PTPN23: variants seen among roughly 807,000 people sequenced by gnomAD.
PTPN23 encodes the protein protein tyrosine phosphatase non-receptor type 23, also known as tyrosine-protein phosphatase non-receptor type 23.
Under a neutral mutation model 156.3 loss-of-function variants are expected in PTPN23, and 72 were observed. The observed-to-expected ratio is 0.46, with a 90% CI of 0.38 to 0.56. The LOEUF (loss-of-function observed/expected upper bound fraction) is 0.56, where lower values mean the gene tolerates loss of function less well. PTPN23 is among the 20% of genes least tolerant of loss of function. The pLI is 0.00. For missense variants in PTPN23, 1,974 were observed against 2,171.5 expected (o/e 0.91, Z 1.81); for synonymous variants, 957 against 899.6 (o/e 1.06, Z -1.14).
In PTPN23 at chr3:47,405,190, G is replaced by A; in HGVS notation, c.364+109G>A. On this transcript the variant is annotated intron_variant, in intron 4 of 24. Coordinates refer to ENST00000265562, the MANE Select transcript of PTPN23 (RefSeq NM_015466.4). The surrounding 1 kb of genome is among the most constrained non-coding windows in gnomAD (Gnocchi z 4.7). ...GTGGGCTGATAAAGGGAGGACTCCAGGATTCCCGCCCCTCCACTGACCTCC... is the reference window on the plus strand; with the variant it reads ...GTGGGCTGATAAAGGGAGGACTCCAAGATTCCCGCCCCTCCACTGACCTCC... 9.8e-7 allele frequency: 1 copy of A among 1,018,066 alleles called. No individual in the cohort carries two copies. Among genetic ancestry groups the A allele is most frequent in the South Asian group, 1.4e-5 (1 of 73,702 alleles). The allele number at this position is 1,018,066 out of a possible 1,614,324, so 63.1% of individuals were successfully genotyped here.
rs1004007588 is a variant in PTPN23, at chr3:47,411,417, C to T, written c.3619C>T (p.Arg1207Ter). The change falls in exon 20 of 25, where the codon CGA becomes TGA. Residue 1207 changes from arginine (R) to a stop codon, truncating the protein, a stop_gained. Coordinates refer to ENST00000265562, the MANE Select transcript of PTPN23 (RefSeq NM_015466.4). LOFTEE classifies it high-confidence loss of function. The surrounding 1 kb of genome is among the most constrained non-coding windows in gnomAD (Gnocchi z 6.3). ...GCAAGATGCGCAGGAACATGATGCC[C>T]GAGGCCGTTCCATCGCCATTGCCCG... ...ELQDAQEHDA[R>*]GRSIAIARCY... 3.7e-6 allele frequency: 6 copies of T among 1,613,070 alleles called. No individual in the cohort carries two copies. The highest frequency in any genetic ancestry group is 1.6e-4 in the Middle Eastern group (1 of 6,062).
Position 47,409,532 on chromosome 3 carries a change from C to T in PTPN23, c.1913C>T (p.Ala638Val), listed in dbSNP as rs771273101. The change falls in exon 18 of 25, where the codon GCA becomes GTA. Residue 638 changes from alanine (A) to valine (V), a missense_variant. Around this residue, in one of 4 missense-constraint regions of PTPN23, gnomAD observed 726 missense variants for 929.5 expected, o/e 0.78. Coordinates refer to ENST00000265562, the MANE Select transcript of PTPN23 (RefSeq NM_015466.4). The stretch of plus-strand genomic sequence containing the variant: ...CTGACAGAGGCCAACGTGCAGTACG[C>T]AGCCGTGCGGCGGGTACTCAGCGAC... ...CALTEANVQY[A>V]AVRRVLSDLD... 6.2e-7 allele frequency: 1 copy of T among 1,614,038 alleles called. No individual in the cohort carries two copies. Among genetic ancestry groups the T allele is most frequent in the Non-Finnish European group, 8.5e-7 (1 of 1,179,948 alleles).
chr3:47,404,990 G>A lies in PTPN23; in HGVS notation c.288-15G>A, dbSNP rs759900934. On this transcript the variant is annotated splice_polypyrimidine_tract_variant and intron_variant, in intron 3 of 24. Transcript: ENST00000265562. ...AGCTCCTGCCCTCGAGATAACTGGG[G>A]TGCCATGTCTGCAGGACAGAGATCT... 6 of 1,614,120 alleles carry A rather than the reference G, an allele frequency of 3.7e-6. No individual in the cohort carries two copies. The highest frequency in any genetic ancestry group is 2.2e-5 in the South Asian group (2 of 91,084).
chr3:47,382,794 TTCTCCTGCCTCAGCCTCCCAA>T (rs1704575710), intron 1 of PTPN23, among the ~76,000 whole-genome samples: 2 of 146,326 alleles, frequency 1.4e-5, no homozygotes, highest in Non-Finnish European at 3.0e-5. Flanking sequence ...GTTCACGCCA[TTCTCCTGCCTCAGCCTCCCAA>T]GTAGCTGGGA....
chr3:47,384,903 C>T (rs1196914966), intron 1 of PTPN23, among the ~76,000 whole-genome samples: 2 of 152,242 alleles, frequency 1.3e-5, no homozygotes, highest in Non-Finnish European at 1.5e-5. Context: ...GCTAGGATTA[C>T]AGGCATGTGC....
chr3:47,396,816 C>T (rs374664567), intron 2 of PTPN23, among the ~76,000 whole-genome samples: 1 of 152,108 alleles, frequency 6.6e-6, no homozygotes, highest in African/African-American at 2.4e-5. Flanking sequence ...TCCCCAGCTA[C>T]GCAGGAGTCT....
At position 47,411,462 on chromosome 3, in the gene PTPN23, C is replaced by A. The variant is rs759072500; in HGVS notation, c.3664C>A (p.Arg1222=). The change falls in exon 20 of 25, where the codon CGG becomes AGG. Residue 1222 remains arginine (R), a synonymous_variant. Transcript: ENST00000265562. This position sits in a 1 kb window ranked among gnomAD's most constrained non-coding sequence, Gnocchi z 6.3. ...TGCCCGCTGCTACTCACTGAAGAAC[C>A]GGCACCAGGATGTCATGCCCTATGA... ...AIARCYSLKN[R]HQDVMPYDSN... 2 of 1,613,084 alleles carry A rather than the reference C, an allele frequency of 1.2e-6. No homozygotes were observed. The highest frequency in any genetic ancestry group is 1.6e-4 in the Middle Eastern group (1 of 6,084).
chr3:47,403,055 CT>C (rs1007913831), intron 2 of PTPN23, among the ~76,000 whole-genome samples: 670 of 138,296 alleles, frequency 4.8e-3, no homozygotes, highest in Non-Finnish European at 6.0e-3. Flanking sequence ...TTGTTACATT[CT>C]TTTTTTTTTT....
Position 47,408,502 on chromosome 3 carries a change from G to A in PTPN23, c.1330+12G>A. On this transcript the variant is annotated intron_variant, in intron 15 of 24. Transcript: ENST00000265562. ...ACAGTCCATGCAAGGTGAGTAAGGG[G>A]CAGAGCAAGCAGGTGGAAGGGAGTG... The A allele has an allele frequency of 6.2e-7, 1 of 1,602,572 alleles. No homozygotes were observed. Among genetic ancestry groups the A allele is most frequent in the Non-Finnish European group, 8.5e-7 (1 of 1,171,872 alleles).
rs547235843 is a variant in PTPN23 at position 47,409,043 on chromosome 3, T to C, written c.1598T>C (p.Leu533Pro). 8.1e-6 allele frequency: 13 copies of C among 1,613,832 alleles called. No homozygotes were observed. Among genetic ancestry groups the C allele is most frequent in the African/African-American group, 5.3e-5 (4 of 75,068 alleles). The change falls in exon 16 of 25, where the codon CTT becomes CCT. Residue 533 changes from leucine (L) to proline (P), a missense_variant. Leu to Pro is a moderately conservative substitution (Grantham distance 98). This residue lies in a region of PTPN23 where 726 missense variants were observed against 929.5 expected (regional missense o/e 0.78). Coordinates refer to ENST00000265562, the MANE Select transcript of PTPN23 (RefSeq NM_015466.4). ...VGNLRLLSGP[L>P]DQVRAALPTP... ...AACCTGCGCCTGCTCAGCGGGCCGC[T>C]TGACCAGGTCCGGGCTGCCCTGCCC...
In PTPN23 at chr3:47,411,247, A is replaced by T; in HGVS notation, c.3449A>T (p.Glu1150Val). ...CAGCCCACCAAGGTGGATGCAGCTG[A>T]GGGTCGTCGGCCGCAGGCCCTGCGG... Reference protein sequence around the residue: ...LLQPTKVDAAEGRRPQALRLI... With the variant: ...LLQPTKVDAAVGRRPQALRLI... Residue 1150 changes from glutamate to valine, a missense_variant, in exon 20 of 25, where the codon GAG becomes GTG. By Grantham distance (121) the Glu-to-Val change is moderately radical. Transcript: ENST00000265562. This position sits in a 1 kb window ranked among gnomAD's most constrained non-coding sequence, Gnocchi z 6.3. 6.2e-7 allele frequency: 1 copy of T among 1,608,498 alleles called. No individual in the cohort carries two copies. Among genetic ancestry groups the T allele is most frequent in the Non-Finnish European group, 8.5e-7 (1 of 1,179,688 alleles).
chr3:47,381,969 C>T (rs1453286228), intron 1 of PTPN23, among the ~76,000 whole-genome samples: 1 of 151,872 alleles, frequency 6.6e-6, no homozygotes, highest in Non-Finnish European at 1.5e-5. Context: ...GTATTGGTAG[C>T]ACTGAGGGCT....
rs1249495741 is a variant in PTPN23, at chr3:47,412,980, G to A, written c.4706G>A (p.Ser1569Asn). 8.9e-6 allele frequency: 14 copies of A among 1,566,992 alleles called. No homozygotes were observed. Among genetic ancestry groups the A allele is most frequent in the African/African-American group, 4.2e-5 (3 of 70,796 alleles). ...GAGCCGCCAGTGCCTGAAGCCCCCAGCTCGGGGCCCCCCTCCTCCTCCCTG... is the reference window on the plus strand; with the variant it reads ...GAGCCGCCAGTGCCTGAAGCCCCCAACTCGGGGCCCCCCTCCTCCTCCCTG... ...KEEPPVPEAPSSGPPSSSLEL... is the reference protein window; with the variant it reads ...KEEPPVPEAPNSGPPSSSLEL... Residue 1569 changes from serine (S) to asparagine (N), a missense_variant, in exon 25 of 25, where the codon AGC becomes AAC. By Grantham distance (46) the Ser-to-Asn change is conservative (BLOSUM62 1). This residue lies in a region of PTPN23 where 484 missense variants were observed against 516.0 expected (regional missense o/e 0.94). Coordinates refer to ENST00000265562, the MANE Select transcript of PTPN23 (RefSeq NM_015466.4).
chr3:47,399,559 A>T (rs573444066), intron 2 of PTPN23, among the ~76,000 whole-genome samples: 20 of 152,288 alleles, frequency 1.3e-4, no homozygotes, highest in Admixed American at 3.3e-4. Flanking sequence ...AGGACGCAAC[A>T]CACCCTAGAA....
chr3:47,404,855 C>T, intron 3 of PTPN23, 76 bp downstream of exon 3: 2 of 1,579,904 alleles, frequency 1.3e-6, no homozygotes, highest in East Asian at 4.6e-5. Context: ...TCCCTTCCCC[C>T]TTCTCCTTGC....
In PTPN23 at chr3:47,411,476, C is replaced by T. The variant is rs763493430; in HGVS notation, c.3678C>T (p.Val1226=). 1.9e-6 allele frequency: 3 copies of T among 1,613,206 alleles called. No homozygotes were observed. The highest frequency in any genetic ancestry group is 2.2e-5 in the East Asian group (1 of 44,880). Residue 1226 remains valine, a synonymous_variant, in exon 20 of 25, where the codon GTC becomes GTT. Coordinates refer to ENST00000265562, the MANE Select transcript of PTPN23 (RefSeq NM_015466.4). The surrounding 1 kb of genome is among the most constrained non-coding windows in gnomAD (Gnocchi z 6.3). ...CACTGAAGAACCGGCACCAGGATGT[C>T]ATGCCCTATGACAGTAACCGTGTGG... ...CYSLKNRHQD[V]MPYDSNRVVL... is the part of the protein sequence containing the mutation.
chr3:47,407,438 G>C lies in PTPN23; in HGVS notation c.924-67G>C. 1 of 1,608,392 alleles carries C rather than the reference G, an allele frequency of 6.2e-7. No homozygotes were observed. The highest frequency in any genetic ancestry group is 8.5e-7 in the Non-Finnish European group (1 of 1,175,162). ...CTTGTCCCTCTGCTGGCATCTACATGGGAAGTAGGTTCTGGATCCCCACTG... is the reference window on the plus strand; with the variant it reads ...CTTGTCCCTCTGCTGGCATCTACATCGGAAGTAGGTTCTGGATCCCCACTG... On this transcript the variant is annotated intron_variant, in intron 11 of 24. Coordinates refer to ENST00000265562, the MANE Select transcript of PTPN23 (RefSeq NM_015466.4). The surrounding 1 kb of genome is among the most constrained non-coding windows in gnomAD (Gnocchi z 4.0).
chr3:47,382,680 CTTTTTT>C (rs71098482), intron 1 of PTPN23, among the ~76,000 whole-genome samples: 195 of 58,648 alleles, frequency 3.3e-3, no homozygotes, highest in Middle Eastern at 0.025. Flanking sequence ...TTTTTCTTTT[CTTTTTT>C]TTTTTTTTTT....
In PTPN23 at chr3:47,404,644, C is replaced by T. The variant is rs1360625106; in HGVS notation, c.160-8C>T. 2 of 1,612,922 alleles carry T rather than the reference C, an allele frequency of 1.2e-6. No individual in the cohort carries two copies. The highest frequency in any genetic ancestry group is 1.7e-6 in the Non-Finnish European group (2 of 1,179,326). On this transcript the variant is annotated splice_polypyrimidine_tract_variant and splice_region_variant and intron_variant, in intron 2 of 24. Transcript: ENST00000265562. The stretch of plus-strand genomic sequence containing the variant: ...CAACAGGCCTGCTTCTCCCATCCTG[C>T]CCCCCAGAATGCTGTCCGTGTCCCA...
Sources: allele counts gnomAD v4.1 joint callset (sites outside exome capture counted in the v4.1 genomes callset), GRCh38; gene constraint gnomAD v4.1.1; regional missense constraint gnomAD v4.1.1; non-coding constraint Gnocchi (gnomAD v3.1); transcripts MANE v1.5; gene names NCBI Gene and HGNC (gene_info 2026-07-23, HGNC 2026-07-21).